The following MEIOB variants were observed in gnomAD, a reference collection of about 807,000 sequenced individuals.
MEIOB encodes the protein meiosis-specific with OB domain-containing protein.
In MEIOB, 50 loss-of-function variants were observed where a neutral mutation model predicts 53.1. The ratio of observed to expected loss-of-function variants is 0.94; its 90% CI spans 0.75 to 1.19. The LOEUF (loss-of-function observed/expected upper bound fraction) is 1.19. MEIOB is among the 50% of genes most tolerant of loss of function. The probability of loss-of-function intolerance (pLI) is 0.00; values close to 1 mark genes in which losing one functional copy is unlikely to be tolerated. For synonymous variants in MEIOB, 192 were observed against 182.5 expected, an observed-to-expected ratio of 1.05 and a Z score of -0.42; for missense variants, 551 against 550.8, an observed-to-expected ratio of 1.00 and a Z score of 0.00.
chr16:1,857,640 C>T, intron 6 of MEIOB, 95 bp downstream of exon 6: 7 of 889,474 alleles, frequency 7.9e-6, no homozygotes, highest in Admixed American at 6.0e-5. Context: ...GAAAAGTTAC[C>T]CCAGCTGATC....
chr16:1,848,588 G>A (rs1210307418), intron 9 of MEIOB, among the ~76,000 whole-genome samples: 1 of 141,304 alleles, frequency 7.1e-6, no homozygotes, highest in Non-Finnish European at 1.5e-5. Flanking sequence ...TGTTGCCCAG[G>A]CTGGGATGCA....
At chr16:1,862,323 A>G (rs139260491) in intron 3 of MEIOB, among the ~76,000 whole-genome samples, 26 of 152,326 alleles carry the variant, frequency 1.7e-4, no homozygotes, top group African/African-American at 3.8e-4. Flanking sequence ...ACATGCTTCT[A>G]TGAATTTCAA....
chr16:1,871,514 C>A (rs1899746895), intron 1 of MEIOB, among the ~76,000 whole-genome samples: 1 of 135,436 alleles, frequency 7.4e-6, no homozygotes, highest in African/African-American at 2.7e-5. Flanking sequence ...CCACCGCGCC[C>A]GGCCCTTTTT....
At chr16:1,858,483 C>G (rs938419052) in intron 5 of MEIOB, among the ~76,000 whole-genome samples, 4 of 152,150 alleles carry the variant, frequency 2.6e-5, no homozygotes, top group African/African-American at 9.7e-5. Flanking sequence ...CCCCACTGCT[C>G]GGCCTCACTT....
At chr16:1,865,665 TTGCTCTTAAGG>T in intron 3 of MEIOB, 102 bp downstream of exon 3, 1 of 714,708 alleles carries the variant, frequency 1.4e-6, no homozygotes, top group Non-Finnish European at 2.3e-6. Context: ...AGCATGACCA[TTGCTCTTAAGG>T]AGTTAAACAG....
chr16:1,867,293 T>C (rs533002727), intron 2 of MEIOB, among the ~76,000 whole-genome samples: 6 of 152,016 alleles, frequency 3.9e-5, no homozygotes, highest in Non-Finnish European at 5.9e-5. Flanking sequence ...GTGTTCAAAA[T>C]CATTGAATTC....
chr16:1,834,397 G>C (rs760501834), intron 13 of MEIOB, 31 bp from the exon 14 acceptor site: 4 of 1,232,866 alleles, frequency 3.2e-6, no homozygotes, highest in Non-Finnish European at 4.7e-6. Context: ...AGAGACAAAA[G>C]GTTAATTTTT....
chr16:1,867,903 T>C (rs1381522922), intron 2 of MEIOB, among the ~76,000 whole-genome samples: 1 of 47,252 alleles, frequency 2.1e-5, no homozygotes, highest in East Asian at 6.2e-4. Flanking sequence ...TCTTCTACTC[T>C]ACACACAAAG....
At chr16:1,852,984 T>C (rs1012652466) in intron 9 of MEIOB, 55 bp downstream of exon 9, 8 of 1,051,726 alleles carry the variant, frequency 7.6e-6, no homozygotes, top group African/African-American at 6.4e-5. Context: ...TGTATAAATA[T>C]TGAAATGTGT....
At chr16:1,841,780 T>C (rs769782787) in intron 11 of MEIOB, 40 bp downstream of exon 11, 2 of 1,414,144 alleles carry the variant, frequency 1.4e-6, no homozygotes, top group Non-Finnish European at 1.9e-6. Context: ...TAATTATTTC[T>C]TACAAAAATG....
At chr16:1,843,013 AG>A (rs1898951716) in intron 10 of MEIOB, among the ~76,000 whole-genome samples, 2 of 120,398 alleles carry the variant, frequency 1.7e-5, no homozygotes, top group Non-Finnish European at 3.6e-5. Context: ...TACATCACAC[AG>A]CCAGGCGCAG....
intron 2 of MEIOB, among the ~76,000 whole-genome samples, chr16:1,866,620 G>C (rs2974853): frequency 0.83 from 125,380 of 151,918 alleles, 51,869 homozygotes; most frequent in Middle Eastern, 0.9. Flanking sequence ...TACTCGCGAG[G>C]CTGAGGCAGG....
chr16:1,839,128 T>C, intron 12 of MEIOB, 127 bp downstream of exon 12: 2 of 1,135,762 alleles, frequency 1.8e-6, no homozygotes, highest in Non-Finnish European at 2.4e-6. Context: ...AGCAAGATGA[T>C]TTTTTCCCAG....
intron 9 of MEIOB, among the ~76,000 whole-genome samples, chr16:1,851,323 A>G (rs191589288): frequency 6.6e-6 from 1 of 151,974 alleles, no homozygotes; most frequent in African/African-American, 2.4e-5. Context: ...CCTCCTCATC[A>G]AGTCTTTGCT....
chr16:1,843,852 A>G (rs1898969969), intron 10 of MEIOB, among the ~76,000 whole-genome samples: 1 of 152,186 alleles, frequency 6.6e-6, no homozygotes, highest in African/African-American at 2.4e-5. Context: ...ATCTTAGAAG[A>G]ATCTTCCAGG....
chr16:1,838,370 G>T (rs906343735), intron 12 of MEIOB, among the ~76,000 whole-genome samples: 13 of 152,256 alleles, frequency 8.5e-5, no homozygotes, highest in African/African-American at 3.1e-4. Flanking sequence ...AGGTAATCAG[G>T]TATCTCAGCA....
At chr16:1,855,802 G>A (rs754341709) in intron 6 of MEIOB, among the ~76,000 whole-genome samples, 1 of 152,154 alleles carries the variant, frequency 6.6e-6, no homozygotes, top group Non-Finnish European at 1.5e-5. Flanking sequence ...ATGCTCCCCA[G>A]GTGGCAGGCA....
chr16:1,843,121 T>C (rs28780723), intron 10 of MEIOB, among the ~76,000 whole-genome samples: 123,346 of 149,518 alleles, frequency 0.82, 51,027 homozygotes, highest in Middle Eastern at 0.9. Context: ...GGTGAAACCC[T>C]GTCTCTACTA....
At chr16:1,858,424 G>A (rs1899361907) in intron 5 of MEIOB, among the ~76,000 whole-genome samples, 1 of 151,972 alleles carries the variant, frequency 6.6e-6, no homozygotes, top group African/African-American at 2.4e-5. Flanking sequence ...GTCCCTCCCG[G>A]CCCTTGCACT....
Sources: gnomAD v4.1 joint callset for allele counts (sites outside exome capture counted in the v4.1 genomes callset) on GRCh38, gnomAD v4.1.1 for gene constraint, MANE v1.5 for transcripts, NCBI Gene and HGNC (gene_info 2026-07-23, HGNC 2026-07-21) for gene names.